The following STX2 variants were observed in gnomAD, a reference collection of about 807,000 sequenced individuals.
STX2 encodes syntaxin-2.
Under a neutral mutation model 40.6 loss-of-function variants are expected in STX2, and 27 were observed. The observed-to-expected ratio is 0.66, with a 90% CI of 0.49 to 0.92. STX2 has a LOEUF of 0.92. Among genes scored for constraint, STX2 ranks in the 40% least tolerant of loss-of-function variants. STX2 has a pLI of 0.00. For synonymous variants in STX2, 123 were observed against 119.1 expected, an observed-to-expected ratio of 1.03 and a Z score of -0.22; for missense variants, 328 against 366.1, an observed-to-expected ratio of 0.90 and a Z score of 0.85.
rs1951529447 is a variant in STX2, at chr12:130,808,612, A to C, written c.354+19T>G. The C allele has an allele frequency of 6.2e-7, 1 of 1,608,600 alleles. No individual in the cohort carries two copies. Among genetic ancestry groups the C allele is most frequent in the Non-Finnish European group, 8.5e-7 (1 of 1,177,976 alleles). Reference sequence around the variant, plus strand: ...TATTCTGCGACATTACTTTAATCTAAACGAGGCTGATAGCAAACCTGGGTT... The same window carrying C: ...TATTCTGCGACATTACTTTAATCTACACGAGGCTGATAGCAAACCTGGGTT... On this transcript the variant is annotated intron_variant, in intron 5 of 10. Coordinates refer to ENST00000392373, the MANE Select transcript of STX2 (RefSeq NM_194356.4).
intron 4 of STX2, among the ~76,000 whole-genome samples, chr12:130,809,539 G>A (rs914393763): frequency 2.6e-5 from 4 of 152,164 alleles, no homozygotes; most frequent in Non-Finnish European, 4.4e-5. Flanking sequence ...CAGAGGAGCC[G>A]GGTGCAGTGG....
chr12:130,821,647 CACAG>C (rs1952118370), intron 3 of STX2, 38 bp downstream of exon 3: 2 of 1,519,718 alleles, frequency 1.3e-6, no homozygotes, highest in African/African-American at 1.4e-5. Flanking sequence ...CAGAGGGACA[CACAG>C]ACAGACAAAC....
chr12:130,802,765 G>A lies in STX2; in HGVS notation c.464-1277C>T, dbSNP rs577511492. Among the ~76,000 whole-genome samples, 36 of 152,178 alleles carry A rather than the reference G, an allele frequency of 2.4e-4. No individual in the cohort carries two copies. The South Asian group carries it at 5.0e-3, about 21-fold the overall frequency. On this transcript the variant is annotated intron_variant, in intron 6 of 10. Transcript: ENST00000392373. ...TCCACCTTGGCTTCCCAACCAACAC[G>A]CTGGGATTAGTATACATGTGAGCCA... is the stretch of plus-strand genomic sequence containing the variant.
chr12:130,832,874 C>T (rs748873968), intron 1 of STX2, among the ~76,000 whole-genome samples: 7 of 152,182 alleles, frequency 4.6e-5, no homozygotes, highest in Non-Finnish European at 1.0e-4. Context: ...ACCCAGGGCA[C>T]CCTCCCCCAG....
In STX2 at chr12:130,795,981, G is replaced by T; in HGVS notation, c.*45+14C>A. On this transcript the variant is annotated intron_variant, in intron 10 of 10. Coordinates refer to ENST00000392373, the MANE Select transcript of STX2 (RefSeq NM_194356.4). Reference sequence around the variant, plus strand: ...GCAAAAGTTAATAAGTAAATTAGTTGATGAGTTACTTACTCCCACCCTGGC... The same window carrying T: ...GCAAAAGTTAATAAGTAAATTAGTTTATGAGTTACTTACTCCCACCCTGGC... 1 of 1,592,746 alleles carries T rather than the reference G, an allele frequency of 6.3e-7. No homozygotes were observed. Among genetic ancestry groups the T allele is most frequent in the Middle Eastern group, 1.7e-4 (1 of 5,952 alleles).
intron 8 of STX2, among the ~76,000 whole-genome samples, chr12:130,800,658 A>G (rs930789617): frequency 2.0e-5 from 3 of 152,256 alleles, no homozygotes; most frequent in African/African-American, 7.2e-5. Context: ...ATCTGAAAAT[A>G]AATACTTTTA....
intron 3 of STX2, among the ~76,000 whole-genome samples, chr12:130,818,185 A>AAAAAAATATATATATATATATATAT: frequency 1.4e-5 from 1 of 70,544 alleles, no homozygotes; most frequent in African/African-American, 1.2e-4. Context: ...AAAAAAAAAA[A>AAAAAAATATATATATATATATATAT]ATATATATAT....
At chr12:130,803,899 T>C (rs7975825) in intron 6 of STX2, among the ~76,000 whole-genome samples, 52,946 of 152,018 alleles carry the variant, frequency 0.35, 9,564 homozygotes, top group Middle Eastern at 0.41. Flanking sequence ...AAATCTGACC[T>C]AAACTGAGTC....
intron 4 of STX2, among the ~76,000 whole-genome samples, chr12:130,809,503 TAAGTC>T (rs1340672065): frequency 6.6e-6 from 1 of 152,114 alleles, no homozygotes; most frequent in Non-Finnish European, 1.5e-5. Context: ...AACCTAACAG[TAAGTC>T]AAGTTAATGA....
chr12:130,804,617 G>A (rs937557705), intron 6 of STX2, among the ~76,000 whole-genome samples: 57 of 152,208 alleles, frequency 3.7e-4, no homozygotes, highest in African/African-American at 1.2e-3. Context: ...GCTTCTGTTC[G>A]TACGTCCCTA....
chr12:130,836,740 T>C (rs543881664), intron 1 of STX2, among the ~76,000 whole-genome samples: 1 of 152,328 alleles, frequency 6.6e-6, no homozygotes, highest in African/African-American at 2.4e-5. Context: ...GAGATACCAC[T>C]GTCCCCATTT....
chr12:130,803,386 AGATTCTCT>A (rs1951299968), intron 6 of STX2, among the ~76,000 whole-genome samples: 1 of 152,214 alleles, frequency 6.6e-6, no homozygotes, highest in Admixed American at 6.5e-5. Flanking sequence ...CTCAATAAGG[AGATTCTCT>A]GAGTTTTGCT....
At position 130,790,007 on chromosome 12, in the gene STX2, G is replaced by A. The variant is rs1417525593; in HGVS notation, c.*2016C>T. The A allele has an allele frequency of 6.6e-6, 1 of 152,200 alleles. No individual in the cohort carries two copies. The highest frequency in any genetic ancestry group is 6.5e-5 in the Admixed American group (1 of 15,268). 9.4% of individuals were successfully genotyped at this position (152,200 alleles called of 1,614,324 possible). On this transcript the variant is annotated 3_prime_UTR_variant, in exon 11 of 11. Coordinates refer to ENST00000392373, the MANE Select transcript of STX2 (RefSeq NM_194356.4). ...CTTGAAGGAAAGGTGGGACATCACG[G>A]GAGGCAGGTCCCCCTGTGGACATGA... is the stretch of plus-strand genomic sequence containing the variant.
intron 5 of STX2, among the ~76,000 whole-genome samples, chr12:130,808,053 A>C (rs1345622817): frequency 6.6e-6 from 1 of 152,202 alleles, no homozygotes; most frequent in Admixed American, 6.5e-5. Context: ...GACAATGTAC[A>C]TTAGCCGCTT....
intron 2 of STX2, among the ~76,000 whole-genome samples, chr12:130,822,447 A>C (rs1013345729): frequency 5.3e-5 from 8 of 151,734 alleles, no homozygotes; most frequent in African/African-American, 1.5e-4. Context: ...TAATAATAAT[A>C]CTCTTATGGG....
intron 1 of STX2, among the ~76,000 whole-genome samples, chr12:130,834,465 G>A (rs1359216092): frequency 6.6e-6 from 1 of 152,088 alleles, no homozygotes; most frequent in Non-Finnish European, 1.5e-5. Context: ...GAGGAGGGGC[G>A]TATCAGTCCG....
intron 4 of STX2, chr12:130,810,862 T>C (rs999552233): frequency 6.6e-6 from 1 of 152,156 alleles, no homozygotes; most frequent in Admixed American, 6.5e-5. Flanking sequence ...AGAATGTGCT[T>C]TGGCTCCCTT....
Position 130,812,971 on chromosome 12 carries a change from C to T in STX2, c.266G>A (p.Arg89Gln), listed in dbSNP as rs748642860. The T allele has an allele frequency of 5.2e-6, 8 of 1,549,764 alleles. No individual in the cohort carries two copies. The highest frequency in any genetic ancestry group is 6.9e-6 in the Non-Finnish European group (8 of 1,154,208). Reference protein sequence around the residue: ...KEIKKTANKIRAKLKAIEQSF... With the variant: ...KEIKKTANKIQAKLKAIEQSF... ...TTCAAACTTACCCTTTAACTTGGCTCGAATTTTATTCGCAGTTTTCTTGAT... is the reference window on the plus strand; with the variant it reads ...TTCAAACTTACCCTTTAACTTGGCTTGAATTTTATTCGCAGTTTTCTTGAT... The change falls in exon 4 of 11, where the codon CGA (arginine) becomes CAA (glutamine). Residue 89 changes from arginine to glutamine, a missense_variant. Physicochemically the swap from Arg to Gln is conservative, Grantham distance 43. Coordinates refer to ENST00000392373, the MANE Select transcript of STX2 (RefSeq NM_194356.4).
intron 6 of STX2, among the ~76,000 whole-genome samples, chr12:130,804,581 G>A (rs1951355838): frequency 6.6e-6 from 1 of 151,976 alleles, no homozygotes; most frequent in South Asian, 2.1e-4. Flanking sequence ...GGCGGCTGTG[G>A]GGTCCACCGT....
Sources: allele counts gnomAD v4.1 joint callset (sites outside exome capture counted in the v4.1 genomes callset), GRCh38; gene constraint gnomAD v4.1.1; transcripts MANE v1.5; gene names NCBI Gene and HGNC (gene_info 2026-07-23, HGNC 2026-07-21).